Variants in MAP7 observed in about 807,000 individuals in gnomAD.
MAP7 encodes the protein ensconsin.
A neutral mutation model predicts 94.8 loss-of-function variants in MAP7; 52 were observed. The observed-to-expected ratio is 0.55, with a 90% CI of 0.44 to 0.69. The LOEUF (loss-of-function observed/expected upper bound fraction) is 0.69, where lower values mean the gene tolerates loss of function less well. MAP7 is among the 30% of genes least tolerant of loss of function. MAP7 has a pLI of 0.00. For missense variants in MAP7, 940 were observed against 964.6 expected (o/e 0.97, Z 0.34); for synonymous variants, 350 against 357.0 (o/e 0.98, Z 0.22).
chr6:136,467,279 AC>A (rs1807452846), intron 1 of MAP7, among the ~76,000 whole-genome samples: 3 of 152,076 alleles, frequency 2.0e-5, no homozygotes, highest in Admixed American at 6.5e-5. Context: ...GACATTTAAA[AC>A]CCTGAAGGTT....
chr6:136,354,451 A>C lies in MAP7; in HGVS notation c.2015+2241T>G, dbSNP rs1790271522. Among the ~76,000 whole-genome samples, 5 of 145,630 alleles carry C rather than the reference A, an allele frequency of 3.4e-5. No individual in the cohort carries two copies. In the South Asian group the frequency reaches 1.0e-3, roughly 31 times the overall value. ...TATAGTAGATATATATATATAGTAG[A>C]TATATATAAAAATATATATAGTAGA... On this transcript the variant is annotated intron_variant, in intron 16 of 17. Transcript: ENST00000354570.
chr6:136,420,282 C>A, intron 2 of MAP7: 1 of 856,168 alleles, frequency 1.2e-6, no homozygotes, highest in Admixed American at 1.8e-5. Flanking sequence ...GCCGGCCATG[C>A]TTCCAGAGGG....
intron 1 of MAP7, among the ~76,000 whole-genome samples, chr6:136,536,589 C>A (rs377469439): frequency 2.0e-5 from 3 of 152,154 alleles, no homozygotes; most frequent in Admixed American, 2.0e-4. Flanking sequence ...AAAATCTCTC[C>A]TTTCTCTTAA....
At chr6:136,382,452 T>C (rs1778065600) in intron 6 of MAP7, among the ~76,000 whole-genome samples, 1 of 152,218 alleles carries the variant, frequency 6.6e-6, no homozygotes, top group Non-Finnish European at 1.5e-5. Flanking sequence ...TCACATGCTA[T>C]ATTTTGTCTT....
chr6:136,410,663 G>C (rs1327507304), intron 3 of MAP7, among the ~76,000 whole-genome samples: 1 of 152,228 alleles, frequency 6.6e-6, no homozygotes, highest in South Asian at 2.1e-4. Context: ...AAACAAGTCT[G>C]AGTTGAAAGA....
intron 13 of MAP7, 46 bp downstream of exon 13, chr6:136,360,651 G>C: frequency 2.6e-6 from 4 of 1,555,640 alleles, no homozygotes; most frequent in African/African-American, 2.7e-5. Context: ...CTGGGTCTTA[G>C]AGGTGCAAGT....
intron 1 of MAP7, among the ~76,000 whole-genome samples, chr6:136,547,977 C>T (rs1430823162): frequency 6.6e-6 from 1 of 152,028 alleles, no homozygotes; most frequent in Non-Finnish European, 1.5e-5. Flanking sequence ...GACTCTACCT[C>T]ATAATAATGA....
At chr6:136,393,275 T>C (rs371308587) in intron 3 of MAP7, among the ~76,000 whole-genome samples, 6 of 152,294 alleles carry the variant, frequency 3.9e-5, no homozygotes, top group Admixed American at 2.0e-4. Flanking sequence ...GTTATTGTCC[T>C]GTTGGGAAAG....
At chr6:136,549,177 C>A (rs754933822) in intron 1 of MAP7, among the ~76,000 whole-genome samples, 3 of 152,100 alleles carry the variant, frequency 2.0e-5, no homozygotes, top group Non-Finnish European at 4.4e-5. Flanking sequence ...GGACCTTTCA[C>A]GTTAAAATAA....
intron 1 of MAP7, among the ~76,000 whole-genome samples, chr6:136,456,737 AGAGGAGAAG>A (rs1803014275): frequency 7.9e-6 from 1 of 127,346 alleles, no homozygotes; most frequent in African/African-American, 3.2e-5. Context: ...AGAAGAAGGA[AGAGGAGAAG>A]GAGGAGGAGG....
intron 1 of MAP7, among the ~76,000 whole-genome samples, chr6:136,480,641 CAAAAAAA>C (rs769951186): frequency 6.9e-4 from 14 of 20,152 alleles, no homozygotes; most frequent in East Asian, 2.1e-3. Context: ...GACTCTGCCT[CAAAAAAA>C]AAAAAAAAAA....
chr6:136,507,483 A>AG (rs1253371823), intron 1 of MAP7, among the ~76,000 whole-genome samples: 1 of 151,620 alleles, frequency 6.6e-6, no homozygotes, highest in African/African-American at 2.4e-5. Flanking sequence ...CTCAAAAAAA[A>AG]AAAAAAAAAG....
intron 2 of MAP7, among the ~76,000 whole-genome samples, chr6:136,418,812 C>T (rs939589389): frequency 1.3e-5 from 2 of 151,886 alleles, no homozygotes; most frequent in South Asian, 2.1e-4. Flanking sequence ...TCCTATGACC[C>T]GTATCCCACA....
intron 3 of MAP7, among the ~76,000 whole-genome samples, chr6:136,391,509 AC>A (rs1780708556): frequency 2.0e-5 from 3 of 151,058 alleles, no homozygotes; most frequent in African/African-American, 7.3e-5. Flanking sequence ...TATGTAACTA[AC>A]CTGCACAATG....
intron 1 of MAP7, among the ~76,000 whole-genome samples, chr6:136,448,316 T>A (rs1266951725): frequency 6.6e-6 from 1 of 152,088 alleles, no homozygotes; most frequent in African/African-American, 2.4e-5. Context: ...TAACTTGCAA[T>A]AAGGTCCTTT....
At chr6:136,530,538 T>TGAA (rs372659168) in intron 1 of MAP7, among the ~76,000 whole-genome samples, 2 of 147,122 alleles carry the variant, frequency 1.4e-5, no homozygotes, top group African/African-American at 5.4e-5. Flanking sequence ...TGACATGGAA[T>TGAA]CAAACAACCA....
intron 5 of MAP7, among the ~76,000 whole-genome samples, chr6:136,384,453 AAT>A (rs1778624186): frequency 1.3e-5 from 2 of 152,222 alleles, no homozygotes; most frequent in South Asian, 4.1e-4. Flanking sequence ...ATTCATGAAC[AAT>A]AGCATTGTTC....
chr6:136,541,412 T>C (rs1829308006), intron 1 of MAP7, among the ~76,000 whole-genome samples: 1 of 152,180 alleles, frequency 6.6e-6, no homozygotes, highest in South Asian at 2.1e-4. Context: ...TTCTCTTTAC[T>C]AGAAAGCCAA....
intron 1 of MAP7, chr6:136,476,163 A>G (rs1242624170): frequency 6.6e-6 from 1 of 152,210 alleles, no homozygotes; most frequent in African/African-American, 2.4e-5. Flanking sequence ...TGTCCCACAC[A>G]GTGCCCTTGT....
Sources: allele counts gnomAD v4.1 joint callset (sites outside exome capture counted in the v4.1 genomes callset), GRCh38; gene constraint gnomAD v4.1.1; transcripts MANE v1.5; gene names NCBI Gene and HGNC (gene_info 2026-07-23, HGNC 2026-07-21).